The following PARD3B variants were observed in gnomAD, a reference collection of about 807,000 sequenced individuals.
PARD3B encodes the protein partitioning defective 3 homolog B.
In PARD3B, 103 loss-of-function variants were observed where a neutral mutation model predicts 130.2. The ratio of observed to expected loss-of-function variants is 0.79; its 90% CI spans 0.67 to 0.93. The LOEUF is 0.93. Among genes scored for constraint, PARD3B ranks in the 40% least tolerant of loss-of-function variants. The probability of loss-of-function intolerance (pLI) is 0.00; values close to 1 mark genes in which losing one functional copy is unlikely to be tolerated. For synonymous variants in PARD3B, 583 were observed against 553.2 expected, an observed-to-expected ratio of 1.05 and a Z score of -0.76; for missense variants, 1,609 against 1,499.2, an observed-to-expected ratio of 1.07 and a Z score of -1.21.
intron 18 of PARD3B, among the ~76,000 whole-genome samples, chr2:205,334,007 T>C (rs1397772055): frequency 1.3e-5 from 2 of 152,216 alleles, no homozygotes; most frequent in Non-Finnish European, 2.9e-5. Flanking sequence ...AAATTCCTTC[T>C]CTTTTGGAAA....
rs112354838 is a variant in PARD3B at position 204,576,308 on chromosome 2, C to T, written c.120+30189C>T. 6.3e-3 allele frequency among the ~76,000 whole-genome samples: 963 copies of T among 152,246 alleles called. 8 individuals carry two copies. Among genetic ancestry groups the T allele is most frequent in the African/African-American group, 0.023 (937 of 41,528 alleles). ...AACCTTGCTACACTAGAAGTTTGTG[C>T]GCAAGTACCCTGGGACACAAGGTAC... On this transcript the variant is annotated intron_variant, in intron 1 of 22. Transcript: ENST00000406610.
At chr2:204,644,389 A>G (rs889854065) in intron 1 of PARD3B, among the ~76,000 whole-genome samples, 9 of 152,110 alleles carry the variant, frequency 5.9e-5, no homozygotes, top group African/African-American at 2.2e-4. Context: ...GTGTGTTTGT[A>G]CCTCAACCCT....
intron 1 of PARD3B, among the ~76,000 whole-genome samples, chr2:204,631,835 G>A (rs545439010): frequency 6.6e-6 from 1 of 152,236 alleles, no homozygotes; most frequent in East Asian, 1.9e-4. Flanking sequence ...TTTCTGAAAA[G>A]GATCTTATTT....
chr2:205,201,899 G>A (rs751191317), intron 15 of PARD3B, among the ~76,000 whole-genome samples: 1 of 152,128 alleles, frequency 6.6e-6, no homozygotes, highest in African/African-American at 2.4e-5. Context: ...CTACATAACT[G>A]TATTATAATA....
intron 1 of PARD3B, among the ~76,000 whole-genome samples, chr2:204,561,263 C>G (rs958350096): frequency 6.6e-6 from 1 of 152,160 alleles, no homozygotes; most frequent in Admixed American, 6.5e-5. Flanking sequence ...TGGGAACAAC[C>G]TGGTGCTCAG....
rs2046394031 is a variant in PARD3B, at chr2:205,405,624, ATTT to A, written c.2741+4504_2741+4506del. 6.6e-6 allele frequency among the ~76,000 whole-genome samples: 1 copy of A among 152,206 alleles called. No individual in the cohort carries two copies. Among genetic ancestry groups the A allele is most frequent in the Admixed American group, 6.5e-5 (1 of 15,274 alleles). ...AGAATAATTTTTTTCGTTAAAATTT[ATTT>A]TTAACCTTGGCCTGCTGAGCATCGG... On this transcript the variant is annotated intron_variant, in intron 19 of 22. Coordinates refer to ENST00000406610, the MANE Select transcript of PARD3B (RefSeq NM_001302769.2). The surrounding 1 kb of genome is among the most constrained non-coding windows in gnomAD (Gnocchi z 4.1).
intron 2 of PARD3B, among the ~76,000 whole-genome samples, chr2:204,702,153 C>T (rs1224161134): frequency 2.0e-5 from 3 of 152,172 alleles, no homozygotes; most frequent in African/African-American, 2.4e-5. Flanking sequence ...CATTGATGGA[C>T]ACCTGGGTTG....
At chr2:204,754,272 C>T (rs184336847) in intron 2 of PARD3B, among the ~76,000 whole-genome samples, 233 of 152,248 alleles carry the variant, frequency 1.5e-3, no homozygotes, top group African/African-American at 5.1e-3. Flanking sequence ...CACATACATT[C>T]TTCAATTTGA....
chr2:205,468,214 A>G (rs184696230), intron 20 of PARD3B, among the ~76,000 whole-genome samples: 1 of 152,340 alleles, frequency 6.6e-6, no homozygotes, highest in Admixed American at 6.5e-5. Flanking sequence ...GAAGGCTTCG[A>G]CAACAACTAA....
intron 18 of PARD3B, among the ~76,000 whole-genome samples, chr2:205,375,650 A>G (rs2045014655): frequency 6.6e-6 from 1 of 152,172 alleles, no homozygotes; most frequent in Admixed American, 6.5e-5. Flanking sequence ...TGGCAGCAGG[A>G]TGGAATTGAG....
intron 1 of PARD3B, among the ~76,000 whole-genome samples, chr2:204,608,218 G>T (rs1449479802): frequency 6.6e-6 from 1 of 152,144 alleles, no homozygotes; most frequent in Non-Finnish European, 1.5e-5. Flanking sequence ...AAAAATATTT[G>T]CATTAACACA....
At chr2:205,159,635 G>A (rs2034393036) in intron 11 of PARD3B, among the ~76,000 whole-genome samples, 1 of 152,154 alleles carries the variant, frequency 6.6e-6, no homozygotes, top group Admixed American at 6.5e-5. Flanking sequence ...TAGGTTTCCA[G>A]GATTAAATCA....
intron 2 of PARD3B, among the ~76,000 whole-genome samples, chr2:204,864,514 C>A (rs543865282): frequency 4.5e-4 from 68 of 152,262 alleles, no homozygotes; most frequent in African/African-American, 1.5e-3. Flanking sequence ...CTCTCAGAAT[C>A]TTTCTTAGAA....
At chr2:204,553,650 CCA>C (rs1491299193) in intron 1 of PARD3B, among the ~76,000 whole-genome samples, 3 of 26,618 alleles carry the variant, frequency 1.1e-4, no homozygotes, top group African/African-American at 5.0e-4. Flanking sequence ...TTATATATAT[CCA>C]TATATATATA....
At chr2:205,527,137 A>T (rs2051373497) in intron 21 of PARD3B, among the ~76,000 whole-genome samples, 1 of 152,194 alleles carries the variant, frequency 6.6e-6, no homozygotes, top group African/African-American at 2.4e-5. Flanking sequence ...GATAGCATTC[A>T]TTTCTTATTG....
chr2:204,561,594 A>ATTT (rs549784375), intron 1 of PARD3B, among the ~76,000 whole-genome samples: 5 of 124,970 alleles, frequency 4.0e-5, no homozygotes, highest in African/African-American at 1.5e-4. Flanking sequence ...TCTCCCTTGT[A>ATTT]TTTTTTTTTT....
At position 205,121,852 on chromosome 2, in the gene PARD3B, A is replaced by C. The variant is rs1278649875; in HGVS notation, c.1068A>C (p.Pro356=). The C allele has an allele frequency of 6.2e-7, 1 of 1,614,126 alleles. No homozygotes were observed. The highest frequency in any genetic ancestry group is 2.2e-5 in the East Asian group (1 of 44,866). ...SLQQNKSPRV[P]RLGGKPSSPS... ...AACAAAACAAGAGTCCCCGAGTACC[A>C]AGGCTGGGAGGAAAACCATCCTCTC... Residue 356 remains proline (P), a synonymous_variant, in exon 8 of 23, where the codon CCA becomes CCC. Coordinates refer to ENST00000406610, the MANE Select transcript of PARD3B (RefSeq NM_001302769.2). This position sits in a 1 kb window ranked among gnomAD's most constrained non-coding sequence, Gnocchi z 5.0.
At position 205,238,011 on chromosome 2, in the gene PARD3B, C is replaced by T. The variant is rs116261661; in HGVS notation, c.2141-7767C>T. Among the ~76,000 whole-genome samples, 1,131 of 152,218 alleles carry T rather than the reference C, an allele frequency of 7.4e-3. 17 individuals are homozygous for T. Among genetic ancestry groups the T allele is most frequent in the African/African-American group, 0.026 (1,060 of 41,522 alleles). On this transcript the variant is annotated intron_variant, in intron 15 of 22. Transcript: ENST00000406610. Reference sequence around the variant, plus strand: ...ACCATTCCTATAATTATATATATCTCACAATGAACAGTTGTCTCATTCATG... The same window carrying T: ...ACCATTCCTATAATTATATATATCTTACAATGAACAGTTGTCTCATTCATG...
chr2:204,790,351 G>A (rs767959427), intron 2 of PARD3B, among the ~76,000 whole-genome samples: 1 of 152,136 alleles, frequency 6.6e-6, no homozygotes, highest in Non-Finnish European at 1.5e-5. Flanking sequence ...TCATGAAGAG[G>A]GGTTTTTTAT....
Sources: allele counts gnomAD v4.1 joint callset (sites outside exome capture counted in the v4.1 genomes callset), GRCh38; gene constraint gnomAD v4.1.1; non-coding constraint Gnocchi (gnomAD v3.1); transcripts MANE v1.5; gene names NCBI Gene and HGNC (gene_info 2026-07-23, HGNC 2026-07-21).